Variants in RWDD4 observed in about 807,000 individuals in gnomAD.
RWDD4 encodes RWD domain-containing protein 4.
Under a neutral mutation model 30.0 loss-of-function variants are expected in RWDD4, and 16 were observed. The ratio of observed to expected loss-of-function variants is 0.53; its 90% confidence interval spans 0.36 to 0.81. The LOEUF is 0.81. RWDD4 is among the 30% of genes least tolerant of loss of function. The probability of loss-of-function intolerance (pLI) is 0.00; values close to 1 mark genes in which losing one functional copy is unlikely to be tolerated. For missense variants in RWDD4, 170 were observed against 223.9 expected, an observed-to-expected ratio of 0.76 and a Z score of 1.54; for synonymous variants, 45 against 72.1, an observed-to-expected ratio of 0.62 and a Z score of 1.90.
rs988406825 is a variant in RWDD4, at chr4:183,641,557, G to A, written c.535-89C>T. The A allele has an allele frequency of 2.4e-5, 24 of 994,066 alleles. No individual in the cohort carries two copies. The African/African-American group carries it at 3.1e-4, about 13-fold the overall frequency. The allele number at this position is 994,066 out of a possible 1,614,324, so 61.6% of individuals were successfully genotyped here. A position where few individuals can be genotyped will look rare whatever the true frequency, so the allele number is the denominator to read the frequency against. On this transcript the variant is annotated intron_variant, in intron 7 of 7. Transcript: ENST00000326397. ...GTATCAAAATTAAACTATAGGCAACGAGGCTTAAGTAACTTAAATCACCTA... is the reference window on the plus strand; with the variant it reads ...GTATCAAAATTAAACTATAGGCAACAAGGCTTAAGTAACTTAAATCACCTA...
rs58975219 is a variant in RWDD4 at position 183,649,570 on chromosome 4, T to TA, written c.364-3dup. ...TGAGATGATATTGCTTATCGATGTC[T>TA]AAAAAAAAAAAGAAATAATTCTCAG... On this transcript the variant is annotated splice_region_variant and splice_polypyrimidine_tract_variant and intron_variant, in intron 4 of 7. Transcript: ENST00000326397. 17,496 of 1,175,336 alleles carry TA rather than the reference T, an allele frequency of 0.015. 2 individuals are homozygous for TA. Among genetic ancestry groups the TA allele is most frequent in the Non-Finnish European group, 0.016 (13,692 of 838,842 alleles). 72.8% of individuals were successfully genotyped at this position (1,175,336 alleles called of 1,614,324 possible).
chr4:183,649,685 A>G (rs577259185), intron 4 of RWDD4, 117 bp from the exon 5 acceptor site: 1 of 522,492 alleles, frequency 1.9e-6, no homozygotes, highest in South Asian at 2.8e-5. Context: ...AAAGAATCCT[A>G]TATTATTATG....
chr4:183,653,405 T>C (rs1328930901), intron 2 of RWDD4, among the ~76,000 whole-genome samples: 3 of 147,960 alleles, frequency 2.0e-5, no homozygotes, highest in Non-Finnish European at 3.0e-5. Flanking sequence ...CCTGTCTCTA[T>C]TAAAAAAAAA....
chr4:183,656,745 G>C (rs1734201786), intron 1 of RWDD4, among the ~76,000 whole-genome samples: 2 of 152,198 alleles, frequency 1.3e-5, no homozygotes, highest in African/African-American at 4.8e-5. Flanking sequence ...GAAATTATTG[G>C]CTGGGCGCGG....
At chr4:183,655,607 A>G (rs1734178080) in intron 2 of RWDD4, among the ~76,000 whole-genome samples, 2 of 152,174 alleles carry the variant, frequency 1.3e-5, no homozygotes, top group African/African-American at 4.8e-5. Flanking sequence ...TTTATGTTAA[A>G]GATAAGATTA....
rs529227307 is a variant in RWDD4 at position 183,651,250 on chromosome 4, A to G, written c.183T>C (p.Ile61=). Residue 61 remains isoleucine, a synonymous_variant, in exon 3 of 8, where the codon ATT becomes ATC. Coordinates refer to ENST00000326397, the MANE Select transcript of RWDD4 (RefSeq NM_152682.4). ...WTETYPQTPP[I]LSMNAFFNNT... is the part of the protein sequence containing the mutation. ...TGTTAAAAAAAGCGTTCATAGATAGAATTGGAGGTGTTTGGGGATATGTTT... is the reference window on the plus strand; with the variant it reads ...TGTTAAAAAAAGCGTTCATAGATAGGATTGGAGGTGTTTGGGGATATGTTT... The G allele has an allele frequency of 1.5e-4, 241 of 1,613,506 alleles. 3 individuals carry two copies. In the South Asian group the frequency reaches 2.6e-3, roughly 17 times the overall value.
chr4:183,645,779 C>A (rs1416339393), intron 7 of RWDD4, among the ~76,000 whole-genome samples: 2 of 152,100 alleles, frequency 1.3e-5, no homozygotes, highest in East Asian at 3.9e-4. Flanking sequence ...AAACAAAAAC[C>A]AAAAACTTAA....
At position 183,646,555 on chromosome 4, in the gene RWDD4, G is replaced by A. The variant is rs1380754246; in HGVS notation, c.482-18C>T. 1 of 1,604,820 alleles carries A rather than the reference G, an allele frequency of 6.2e-7. No homozygotes were observed. Among genetic ancestry groups the A allele is most frequent in the Non-Finnish European group, 8.5e-7 (1 of 1,176,828 alleles). ...TTTGTGATCTAGAAGATAAAAAATAGTAACTTTATTTCTAAGACCAACCAG... is the reference window on the plus strand; with the variant it reads ...TTTGTGATCTAGAAGATAAAAAATAATAACTTTATTTCTAAGACCAACCAG... On this transcript the variant is annotated intron_variant, in intron 5 of 7. Transcript: ENST00000326397.
intron 3 of RWDD4, 22 bp from the exon 4 acceptor site, chr4:183,651,153 C>T (rs1401083317): frequency 1.9e-6 from 3 of 1,613,526 alleles, no homozygotes; most frequent in Non-Finnish European, 1.7e-6. Context: ...AACAAAAATA[C>T]CTTGCTGAGA....
chr4:183,647,100 T>C (rs1462079278), intron 5 of RWDD4, among the ~76,000 whole-genome samples: 5 of 152,214 alleles, frequency 3.3e-5, no homozygotes. Context: ...TCTGTTGGGA[T>C]TGCTTGGAAA....
intron 7 of RWDD4, among the ~76,000 whole-genome samples, chr4:183,645,628 G>A (rs934598343): frequency 6.6e-6 from 1 of 151,330 alleles, no homozygotes; most frequent in Non-Finnish European, 1.5e-5. Flanking sequence ...AATTAGCCAG[G>A]CATGGTGGCA....
At position 183,659,128 on chromosome 4, in the gene RWDD4, C is replaced by T. The variant is rs1228515335; in HGVS notation, c.-176G>A. 2 of 442,550 alleles carry T rather than the reference C, an allele frequency of 4.5e-6. No homozygotes were observed. The highest frequency in any genetic ancestry group is 2.0e-5 in the African/African-American group (1 of 49,292). 27.4% of individuals were successfully genotyped at this position (442,550 alleles called of 1,614,324 possible). ...GCCCCGAGCCTCGGCAGCGCCCAGC[C>T]GCCGGCAGTGGGCTGTGGGCTACGA... On this transcript the variant is annotated 5_prime_UTR_variant, in exon 1 of 8. Transcript: ENST00000326397.
chr4:183,642,939 G>T (rs1300456627), intron 7 of RWDD4, among the ~76,000 whole-genome samples: 1 of 150,988 alleles, frequency 6.6e-6, no homozygotes, highest in Non-Finnish European at 1.5e-5. Context: ...GGTGCCTGTA[G>T]TCCCAGCTAC....
At chr4:183,645,736 G>A (rs1014073114) in intron 7 of RWDD4, among the ~76,000 whole-genome samples, 2 of 152,100 alleles carry the variant, frequency 1.3e-5, no homozygotes, top group Non-Finnish European at 2.9e-5. Flanking sequence ...AGCTAGCCTG[G>A]GTGACAGGGC....
intron 5 of RWDD4, among the ~76,000 whole-genome samples, chr4:183,648,372 A>C (rs1734006185): frequency 6.6e-6 from 1 of 152,228 alleles, no homozygotes; most frequent in Non-Finnish European, 1.5e-5. Context: ...GTGCAAGTAC[A>C]CAAATGACGT....
chr4:183,642,396 A>C (rs544680619), intron 7 of RWDD4, among the ~76,000 whole-genome samples: 1 of 85,708 alleles, frequency 1.2e-5, no homozygotes, highest in Non-Finnish European at 2.2e-5. Context: ...TCACCGTGTT[A>C]GCCAGGATGG....
intron 4 of RWDD4, among the ~76,000 whole-genome samples, chr4:183,650,157 AC>A (rs1158153874): frequency 6.6e-6 from 1 of 152,156 alleles, no homozygotes; most frequent in Non-Finnish European, 1.5e-5. Context: ...ATACTATATA[AC>A]CCCCATTTGA....
At chr4:183,643,163 A>G (rs1733897930) in intron 7 of RWDD4, among the ~76,000 whole-genome samples, 1 of 147,800 alleles carries the variant, frequency 6.8e-6, no homozygotes, top group Non-Finnish European at 1.5e-5. Context: ...ATGGTGGCTC[A>G]CACCTGTAAT....
chr4:183,643,078 AT>A (rs1733893733), intron 7 of RWDD4, among the ~76,000 whole-genome samples: 1 of 125,860 alleles, frequency 7.9e-6, no homozygotes, highest in African/African-American at 3.2e-5. Flanking sequence ...AAATAAATAA[AT>A]AAATAAATAA....
Sources: allele counts gnomAD v4.1 joint callset (sites outside exome capture counted in the v4.1 genomes callset), GRCh38; gene constraint gnomAD v4.1.1; transcripts MANE v1.5; gene names NCBI Gene and HGNC (gene_info 2026-07-23, HGNC 2026-07-21).